The following GABRG3 variants were observed in gnomAD, a reference collection of about 807,000 sequenced individuals.
The protein encoded by GABRG3 is gamma-aminobutyric acid type A receptor subunit gamma3.
GABRG3 carries 25 observed loss-of-function variants against 48.8 expected under a neutral mutation model. The ratio of observed to expected loss-of-function variants is 0.51; its 90% CI spans 0.37 to 0.72. GABRG3 has a LOEUF of 0.72. GABRG3 is among the 30% of genes least tolerant of loss of function. The pLI is 0.00. For missense variants in GABRG3, 394 were observed against 577.9 expected (o/e 0.68, Z 3.26); for synonymous variants, 227 against 217.6 (o/e 1.04, Z -0.38).
At chr15:27,016,432 AT>A (rs1895780804) in intron 2 of GABRG3, among the ~76,000 whole-genome samples, 1 of 151,994 alleles carries the variant, frequency 6.6e-6, no homozygotes, top group Non-Finnish European at 1.5e-5. Flanking sequence ...ATCCAACTTC[AT>A]TCTGTCCTGC....
intron 5 of GABRG3, among the ~76,000 whole-genome samples, chr15:27,332,312 G>C (rs542963166): frequency 6.6e-6 from 1 of 152,272 alleles, no homozygotes; most frequent in South Asian, 2.1e-4. Flanking sequence ...CCAGGAGTTC[G>C]AGACCAGCCT....
chr15:27,531,852 C>G (rs1240357622), intron 9 of GABRG3, among the ~76,000 whole-genome samples: 1 of 152,068 alleles, frequency 6.6e-6, no homozygotes. Flanking sequence ...CTTTATCTGC[C>G]CCACTTGGAC....
At position 27,360,341 on chromosome 15, in the gene GABRG3, G is replaced by A. The variant is rs532436020; in HGVS notation, c.574+31453G>A. Among the ~76,000 whole-genome samples the A allele has an allele frequency of 1.4e-4, 22 of 152,236 alleles. 1 individual carries two copies. In the South Asian group the frequency reaches 1.5e-3, roughly 10 times the overall value. ...GACAAGGTCGGGTGGAATGGGCCGC[G>A]ACCCCGGCCTGTGTTGGAGATCTCC... On this transcript the variant is annotated intron_variant, in intron 5 of 9. Transcript: ENST00000615808.
rs1279771173 is a variant in GABRG3, at chr15:27,126,455, G to T, written c.270+99634G>T. ...AGTACTGTTCTCAGAGTGCTTCCAG[G>T]CCTCTGACTTCTGACCATCTTCAGG... On this transcript the variant is annotated intron_variant, in intron 3 of 9. Transcript: ENST00000615808. Among the ~76,000 whole-genome samples the T allele has an allele frequency of 2.6e-4, 39 of 152,092 alleles. 2 individuals are homozygous for T. Among genetic ancestry groups the T allele is most frequent in the Admixed American group, 2.6e-3 (39 of 15,260 alleles).
intron 3 of GABRG3, among the ~76,000 whole-genome samples, chr15:27,035,462 A>T (rs537498965): frequency 6.6e-5 from 10 of 152,256 alleles, no homozygotes; most frequent in South Asian, 4.1e-4. Flanking sequence ...CTTCGATTGG[A>T]TATTTCACAA....
intron 6 of GABRG3, among the ~76,000 whole-genome samples, chr15:27,501,410 A>G (rs1890635554): frequency 6.6e-6 from 1 of 152,158 alleles, no homozygotes; most frequent in Non-Finnish European, 1.5e-5. Context: ...GCAGATAGTT[A>G]TGGGACGAAA....
intron 3 of GABRG3, among the ~76,000 whole-genome samples, chr15:27,306,585 CATATA>C (rs1231054692): frequency 9.2e-4 from 39 of 42,536 alleles, no homozygotes; most frequent in African/African-American, 1.1e-3. Context: ...TATATATAAA[CATATA>C]ATATAAACAT....
At chr15:27,293,048 G>T (rs896910855) in intron 3 of GABRG3, among the ~76,000 whole-genome samples, 6 of 152,144 alleles carry the variant, frequency 3.9e-5, no homozygotes, top group Non-Finnish European at 5.9e-5. Flanking sequence ...TGCCACGAAG[G>T]TTCCTGGGGC....
intron 3 of GABRG3, among the ~76,000 whole-genome samples, chr15:27,165,687 C>G (rs534368392): frequency 6.6e-6 from 1 of 151,944 alleles, no homozygotes; most frequent in Admixed American, 6.6e-5. Flanking sequence ...TTTAAGTCTG[C>G]CATGCACATG....
intron 5 of GABRG3, among the ~76,000 whole-genome samples, chr15:27,400,910 G>A (rs1476727438): frequency 6.6e-6 from 1 of 152,128 alleles, no homozygotes; most frequent in African/African-American, 2.4e-5. Flanking sequence ...TCCACGACGG[G>A]AGACAAAACA....
At chr15:27,356,713 C>T (rs1352037043) in intron 5 of GABRG3, among the ~76,000 whole-genome samples, 1 of 152,202 alleles carries the variant, frequency 6.6e-6, no homozygotes, top group African/African-American at 2.4e-5. Flanking sequence ...AGTCAACAGT[C>T]AGAAATGGGT....
chr15:27,070,976 G>T (rs1346142483), intron 3 of GABRG3, among the ~76,000 whole-genome samples: 2 of 152,314 alleles, frequency 1.3e-5, no homozygotes, highest in South Asian at 2.1e-4. Context: ...CTCCTGAAGC[G>T]CTGGGAGAAC....
chr15:27,177,152 A>C (rs986142387), intron 3 of GABRG3, among the ~76,000 whole-genome samples: 1 of 152,126 alleles, frequency 6.6e-6, no homozygotes. Flanking sequence ...CAGGAGTGGC[A>C]ACACTGTCTT....
chr15:27,132,662 T>A (rs1393739230), intron 3 of GABRG3, among the ~76,000 whole-genome samples: 1 of 151,426 alleles, frequency 6.6e-6, no homozygotes, highest in Admixed American at 6.6e-5. Flanking sequence ...GTCTCTTTCA[T>A]CTTTTGGTGC....
intron 5 of GABRG3, among the ~76,000 whole-genome samples, chr15:27,341,999 GAC>G (rs1213147030): frequency 6.6e-6 from 1 of 152,206 alleles, no homozygotes; most frequent in Admixed American, 6.5e-5. Flanking sequence ...AGTTTTAAGA[GAC>G]AATGTTCCAT....
intron 2 of GABRG3, among the ~76,000 whole-genome samples, chr15:27,011,847 CAAAAA>C (rs10605771): frequency 8.1e-6 from 1 of 123,558 alleles, no homozygotes; most frequent in African/African-American, 3.0e-5. Context: ...GACTCCGTCT[CAAAAA>C]AAAAAAAAAA....
At chr15:27,106,448 A>G (rs1449009515) in intron 3 of GABRG3, among the ~76,000 whole-genome samples, 1 of 151,966 alleles carries the variant, frequency 6.6e-6, no homozygotes, top group Non-Finnish European at 1.5e-5. Context: ...GAAAGAAAGG[A>G]AAAAAAGAAG....
chr15:27,208,123 T>C (rs543382690), intron 3 of GABRG3: 13 of 178,416 alleles, frequency 7.3e-5, no homozygotes, highest in Admixed American at 5.1e-4. Flanking sequence ...TAGTTTGTCA[T>C]TGAGATGGCA....
chr15:27,420,300 A>G (rs1225396620), intron 5 of GABRG3, among the ~76,000 whole-genome samples: 2 of 152,246 alleles, frequency 1.3e-5, no homozygotes, highest in South Asian at 2.1e-4. Flanking sequence ...ATGCTATCAA[A>G]TGTAGCCAAA....
Sources: allele counts gnomAD v4.1 joint callset (sites outside exome capture counted in the v4.1 genomes callset), GRCh38; gene constraint gnomAD v4.1.1; transcripts MANE v1.5; gene names NCBI Gene and HGNC (gene_info 2026-07-23, HGNC 2026-07-21).